RARS2: variants seen among roughly 807,000 people sequenced by gnomAD.
RARS2 encodes the protein arginyl-tRNA synthetase 2, mitochondrial.
A neutral mutation model predicts 88.5 loss-of-function variants in RARS2; 67 were observed. The ratio of observed to expected loss-of-function variants is 0.76; its 90% CI spans 0.62 to 0.93. The LOEUF (loss-of-function observed/expected upper bound fraction) is 0.93, where lower values mean the gene tolerates loss of function less well. RARS2 is among the 40% of genes least tolerant of loss of function. RARS2 has a pLI of 0.00. For synonymous variants in RARS2, 239 were observed against 230.3 expected, an observed-to-expected ratio of 1.04 and a Z score of -0.34; for missense variants, 664 against 684.2, an observed-to-expected ratio of 0.97 and a Z score of 0.33.
chr6:87,555,508 G>A lies in RARS2; in HGVS notation c.298-3C>T. On this transcript the variant is annotated splice_region_variant and splice_polypyrimidine_tract_variant and intron_variant, in intron 4 of 19. Coordinates refer to ENST00000369536, the MANE Select transcript of RARS2 (RefSeq NM_020320.5). ...TCAATTACTTGTTGTAGCACTGTCTGAAAATTAAAGGACTGTAATTTAATG... is the reference window on the plus strand; with the variant it reads ...TCAATTACTTGTTGTAGCACTGTCTAAAAATTAAAGGACTGTAATTTAATG... The A allele has an allele frequency of 6.3e-7, 1 of 1,598,968 alleles. No individual in the cohort carries two copies. The highest frequency in any genetic ancestry group is 8.6e-7 in the Non-Finnish European group (1 of 1,166,494).
intron 1 of RARS2, among the ~76,000 whole-genome samples, chr6:87,571,515 T>C (rs1399701046): frequency 6.6e-6 from 1 of 152,100 alleles, no homozygotes; most frequent in Non-Finnish European, 1.5e-5. Context: ...TTTACAACTG[T>C]CTTCAACTTT....
chr6:87,585,547 G>A (rs1422392831), intron 1 of RARS2, among the ~76,000 whole-genome samples: 1 of 152,004 alleles, frequency 6.6e-6, no homozygotes. Context: ...TGGCTAACAC[G>A]GTGAAACCCC....
chr6:87,529,666 C>A lies in RARS2; in HGVS notation c.772-18G>T, dbSNP rs1222973129. The A allele has an allele frequency of 6.5e-7, 1 of 1,529,992 alleles. No homozygotes were observed. Among genetic ancestry groups the A allele is most frequent in the East Asian group, 2.3e-5 (1 of 44,412 alleles). 94.8% of individuals were successfully genotyped at this position (1,529,992 alleles called of 1,614,324 possible). ...CCCAGACGCTAAAAGAGTTCAGAAA[C>A]AAAAAGACAAAGAAATGTTAATTGA... On this transcript the variant is annotated intron_variant, in intron 9 of 19. Coordinates refer to ENST00000369536, the MANE Select transcript of RARS2 (RefSeq NM_020320.5).
At chr6:87,570,811 T>G (rs9450744) in intron 1 of RARS2, among the ~76,000 whole-genome samples, 8 of 152,048 alleles carry the variant, frequency 5.3e-5, no homozygotes, top group South Asian at 2.1e-4. Flanking sequence ...CCTCCGCCCC[T>G]CAAAGTGCTG....
rs145853839 is a variant in RARS2, at chr6:87,535,168, C to T, written c.613-4226G>A. On this transcript the variant is annotated intron_variant, in intron 8 of 19. Transcript: ENST00000369536. ...GGAACAAAATTCATACTAGCCATAA[C>T]AGTAACATTCCCTGGAAAAAGAAAT... Among the ~76,000 whole-genome samples, 45 of 152,222 alleles carry T rather than the reference C, an allele frequency of 3.0e-4. No individual in the cohort carries two copies. The East Asian group carries it at 8.3e-3, about 28-fold the overall frequency.
At chr6:87,583,767 C>T (rs1278318994) in intron 1 of RARS2, among the ~76,000 whole-genome samples, 2 of 152,146 alleles carry the variant, frequency 1.3e-5, no homozygotes, top group South Asian at 2.1e-4. Context: ...AGGCAAATAG[C>T]TAGGTTAGTA....
intron 6 of RARS2, 120 bp from the exon 7 acceptor site, chr6:87,545,819 C>T: frequency 8.3e-7 from 1 of 1,208,090 alleles, no homozygotes; most frequent in Non-Finnish European, 1.1e-6. Flanking sequence ...TTTACCAACT[C>T]AATGTTTTTT....
chr6:87,530,226 G>A (rs1319191349), intron 9 of RARS2, among the ~76,000 whole-genome samples: 3 of 152,024 alleles, frequency 2.0e-5, no homozygotes, highest in East Asian at 1.9e-4. Flanking sequence ...TTCTCCTGTC[G>A]TTCATCTTGC....
At chr6:87,534,201 T>G (rs1237012494) in intron 8 of RARS2, among the ~76,000 whole-genome samples, 2 of 152,182 alleles carry the variant, frequency 1.3e-5, no homozygotes, top group Non-Finnish European at 2.9e-5. Context: ...ATTGAATGTA[T>G]CAATACTGCA....
In RARS2 at chr6:87,562,786, C is replaced by G; in HGVS notation, c.214-1G>C. On this transcript the variant is annotated splice_acceptor_variant, in intron 3 of 19. Coordinates refer to ENST00000369536, the MANE Select transcript of RARS2 (RefSeq NM_020320.5). LOFTEE classifies it high-confidence loss of function. ...CACTCACCACTGTATCACATCTTAG[C>G]TGAAAAGAACAAATCACACAAAGTA... is the stretch of plus-strand genomic sequence containing the variant. 6.2e-7 allele frequency: 1 copy of G among 1,609,642 alleles called. No individual in the cohort carries two copies. The highest frequency in any genetic ancestry group is 8.5e-7 in the Non-Finnish European group (1 of 1,176,018).
At chr6:87,523,516 GAA>G (rs1172127484) in intron 11 of RARS2, among the ~76,000 whole-genome samples, 2 of 152,050 alleles carry the variant, frequency 1.3e-5, no homozygotes, top group Non-Finnish European at 2.9e-5. Flanking sequence ...TATTTTCAAA[GAA>G]AAAAGAGAAA....
intron 4 of RARS2, among the ~76,000 whole-genome samples, chr6:87,561,884 T>TAA (rs1787945852): frequency 6.6e-6 from 1 of 152,228 alleles, no homozygotes; most frequent in African/African-American, 2.4e-5. Flanking sequence ...GGAATATTTT[T>TAA]AATAAGTGAG....
intron 8 of RARS2, among the ~76,000 whole-genome samples, chr6:87,533,536 C>T (rs190663017): frequency 1.7e-3 from 263 of 152,186 alleles, no homozygotes; most frequent in African/African-American, 6.1e-3. Context: ...TAAATTTGGG[C>T]TTCATAATAA....
intron 15 of RARS2, 42 bp downstream of exon 15, chr6:87,518,782 G>A (rs968433432): frequency 6.2e-7 from 1 of 1,612,234 alleles, no homozygotes; most frequent in Non-Finnish European, 8.5e-7. Context: ...ATTTGCTCTA[G>A]TACCAAACAA....
At chr6:87,576,788 A>C (rs2128209500) in intron 1 of RARS2, among the ~76,000 whole-genome samples, 1 of 152,360 alleles carries the variant, frequency 6.6e-6, no homozygotes, top group Non-Finnish European at 1.5e-5. Context: ...ATATCAAGAA[A>C]ATATACAGAA....
In RARS2 at chr6:87,516,901, T is replaced by C. The variant is rs971680835; in HGVS notation, c.1512-21A>G. On this transcript the variant is annotated intron_variant, in intron 17 of 19. Transcript: ENST00000369536. The stretch of plus-strand genomic sequence containing the variant: ...CGAACCTAAAAGATGACAGGAACAG[T>C]GAACAGGAAAAGACTGTACACATTA... 4 of 1,612,946 alleles carry C rather than the reference T, an allele frequency of 2.5e-6. No individual in the cohort carries two copies. The Admixed American group carries it at 5.0e-5, about 20-fold the overall frequency.
intron 5 of RARS2, among the ~76,000 whole-genome samples, chr6:87,553,868 A>T: frequency 6.6e-6 from 1 of 152,212 alleles, no homozygotes; most frequent in East Asian, 1.9e-4. Context: ...TCTACTCCAT[A>T]GGAGTAGAAG....
At chr6:87,563,402 C>G (rs1207514292) in intron 3 of RARS2, among the ~76,000 whole-genome samples, 1 of 152,144 alleles carries the variant, frequency 6.6e-6, no homozygotes, top group Non-Finnish European at 1.5e-5. Context: ...TGGTAAATAT[C>G]TGGGAGTGAT....
In RARS2 at chr6:87,514,230, G is replaced by A. The variant is rs1272103221; in HGVS notation, c.*183C>T. On this transcript the variant is annotated 3_prime_UTR_variant, in exon 20 of 20. Coordinates refer to ENST00000369536, the MANE Select transcript of RARS2 (RefSeq NM_020320.5). ...GGAGGCTGAGGCAGGAGAATTGCTT[G>A]AACCTGGGAGGTGGAGGTTGCAGTG... 2.3e-6 allele frequency: 1 copy of A among 443,920 alleles called. No homozygotes were observed. The highest frequency in any genetic ancestry group is 4.6e-5 in the East Asian group (1 of 21,506). The allele number at this position is 443,920 out of a possible 1,614,324, so 27.5% of individuals were successfully genotyped here. A position where few individuals can be genotyped will look rare whatever the true frequency, so the allele number is the denominator to read the frequency against.
Sources: allele counts gnomAD v4.1 joint callset (sites outside exome capture counted in the v4.1 genomes callset), GRCh38; gene constraint gnomAD v4.1.1; transcripts MANE v1.5; gene names NCBI Gene and HGNC (gene_info 2026-07-23, HGNC 2026-07-21).